The following ASIC2 variants were observed in gnomAD, a reference collection of about 807,000 sequenced individuals.
ASIC2 encodes the protein acid-sensing ion channel 2.
A neutral mutation model predicts 57.3 loss-of-function variants in ASIC2; 25 were observed. The observed-to-expected ratio is 0.44, with a 90% CI of 0.32 to 0.61. ASIC2 has a LOEUF of 0.61. Among genes scored for constraint, ASIC2 ranks in the 20% least tolerant of loss-of-function variants. ASIC2 has a pLI of 0.06. For missense variants in ASIC2, 641 were observed against 738.1 expected, an observed-to-expected ratio of 0.87 and a Z score of 1.52; for synonymous variants, 319 against 307.5, an observed-to-expected ratio of 1.04 and a Z score of -0.39.
intron 1 of ASIC2, among the ~76,000 whole-genome samples, chr17:33,753,629 G>A (rs1910502460): frequency 6.6e-6 from 1 of 152,206 alleles, no homozygotes; most frequent in African/African-American, 2.4e-5. Context: ...ACACAAAAAA[G>A]GGAAGTGACG....
intron 3 of ASIC2, among the ~76,000 whole-genome samples, chr17:33,037,519 T>C (rs1323994900): frequency 7.1e-6 from 1 of 141,226 alleles, no homozygotes; most frequent in Non-Finnish European, 1.6e-5. Flanking sequence ...GGAAAATTAC[T>C]GTGTGCACAG....
intron 1 of ASIC2, among the ~76,000 whole-genome samples, chr17:33,305,096 G>A (rs954908739): frequency 6.6e-6 from 1 of 152,108 alleles, no homozygotes; most frequent in African/African-American, 2.4e-5. Context: ...AATTAATTGA[G>A]GCTAGTAACG....
chr17:34,146,546 ACT>A (rs1912422738), intron 1 of ASIC2, among the ~76,000 whole-genome samples: 1 of 152,232 alleles, frequency 6.6e-6, no homozygotes, highest in South Asian at 2.1e-4. Flanking sequence ...CACGGGAAAC[ACT>A]GAGTGTAAAC....
chr17:33,361,733 G>C (rs1908615239), intron 1 of ASIC2, among the ~76,000 whole-genome samples: 1 of 152,150 alleles, frequency 6.6e-6, no homozygotes, highest in African/African-American at 2.4e-5. Flanking sequence ...TAGATGCCAG[G>C]ACTCCAGTTT....
chr17:34,036,293 G>C (rs932954709), intron 1 of ASIC2, among the ~76,000 whole-genome samples: 1 of 146,708 alleles, frequency 6.8e-6, no homozygotes, highest in South Asian at 2.1e-4. Context: ...AACATCGCAT[G>C]TTCTCACTCA....
intron 1 of ASIC2, among the ~76,000 whole-genome samples, chr17:34,152,428 C>T (rs1409556161): frequency 1.3e-5 from 2 of 152,158 alleles, no homozygotes; most frequent in Non-Finnish European, 2.9e-5. Flanking sequence ...ACTATCGAAT[C>T]CAACTGTGAC....
intron 1 of ASIC2, among the ~76,000 whole-genome samples, chr17:34,065,215 C>T (rs938896964): frequency 1.3e-5 from 2 of 152,134 alleles, no homozygotes; most frequent in African/African-American, 4.8e-5. Context: ...AATGAATTAA[C>T]AGCACTTGTA....
At position 33,536,205 on chromosome 17, in the gene ASIC2, A is replaced by T. The variant is rs561960713; in HGVS notation, c.556-424138T>A. Among the ~76,000 whole-genome samples, 25 of 152,254 alleles carry T rather than the reference A, an allele frequency of 1.6e-4. No homozygotes were observed. The South Asian group carries it at 5.2e-3, about 32-fold the overall frequency. ...ATTGACCACTCCCTTCAGTCTTCTCATCTCAGTAAATGGCACTAGCATATA... is the reference window on the plus strand; with the variant it reads ...ATTGACCACTCCCTTCAGTCTTCTCTTCTCAGTAAATGGCACTAGCATATA... On this transcript the variant is annotated intron_variant, in intron 1 of 9. Coordinates refer to the ASIC2 transcript ENST00000359872.
intron 1 of ASIC2, among the ~76,000 whole-genome samples, chr17:33,564,797 A>G (rs547157642): frequency 6.6e-6 from 1 of 150,606 alleles, no homozygotes; most frequent in South Asian, 2.1e-4. Context: ...GGGGCAAGGA[A>G]CACCTGGCCT....
At chr17:33,161,599 T>A (rs1051573119) in intron 1 of ASIC2, among the ~76,000 whole-genome samples, 1 of 152,204 alleles carries the variant, frequency 6.6e-6, no homozygotes, top group African/African-American at 2.4e-5. Flanking sequence ...CCCACCAATA[T>A]AATGTAAGCT....
intron 4 of ASIC2, among the ~76,000 whole-genome samples, chr17:33,026,526 A>G (rs570019901): frequency 1.3e-5 from 2 of 152,354 alleles, no homozygotes; most frequent in Non-Finnish European, 2.9e-5. Context: ...TCTTCTCAGC[A>G]CAACCACACT....
intron 1 of ASIC2, among the ~76,000 whole-genome samples, chr17:33,783,144 G>T (rs958286852): frequency 1.3e-5 from 2 of 152,140 alleles, no homozygotes; most frequent in African/African-American, 4.8e-5. Context: ...GGCACCCATG[G>T]CTAGCAGAAA....
intron 3 of ASIC2, among the ~76,000 whole-genome samples, chr17:33,047,969 T>C (rs753022501): frequency 2.6e-5 from 4 of 152,206 alleles, no homozygotes; most frequent in Admixed American, 1.3e-4. Flanking sequence ...AATTCATATA[T>C]TGAAGCCCTT....
intron 1 of ASIC2, among the ~76,000 whole-genome samples, chr17:33,901,324 G>A (rs1915226746): frequency 6.6e-6 from 1 of 152,126 alleles, no homozygotes; most frequent in Admixed American, 6.5e-5. Context: ...CTTATCATCA[G>A]TGGCCAGTTT....
At chr17:33,405,887 C>T (rs1910456837) in intron 1 of ASIC2, among the ~76,000 whole-genome samples, 4 of 152,142 alleles carry the variant, frequency 2.6e-5, no homozygotes, top group Admixed American at 2.0e-4. Context: ...TCCTCCACTC[C>T]AATCACCCAG....
In ASIC2 at chr17:34,099,189, A is replaced by G. The variant is rs1462461009; in HGVS notation, c.555+56789T>C. Among the ~76,000 whole-genome samples the G allele has an allele frequency of 1.6e-4, 19 of 117,108 alleles. 1 individual carries two copies. The highest frequency in any genetic ancestry group is 6.8e-4 in the African/African-American group (17 of 24,880). 76.8% of individuals were successfully genotyped at this position (117,108 alleles called of 152,430 possible). A position where few individuals can be genotyped will look rare whatever the true frequency, so the allele number is the denominator to read the frequency against. On this transcript the variant is annotated intron_variant, in intron 1 of 9. Transcript: ENST00000359872. ...GAAAGAAAGAAAGAAAGAAAGAAAG[A>G]AAGAAAGAAAGAAAGAAAGAAAGGA...
intron 1 of ASIC2, among the ~76,000 whole-genome samples, chr17:33,423,892 G>A (rs1027330208): frequency 2.0e-5 from 3 of 152,208 alleles, no homozygotes; most frequent in Non-Finnish European, 2.9e-5. Context: ...GATGCTTAGA[G>A]GACTTCCTCA....
intron 1 of ASIC2, among the ~76,000 whole-genome samples, chr17:34,113,169 A>C (rs1334326552): frequency 6.6e-6 from 1 of 152,226 alleles, no homozygotes; most frequent in African/African-American, 2.4e-5. Flanking sequence ...TGCAACCCCA[A>C]GGAGAGGAGC....
chr17:33,675,649 G>A (rs1397228597), intron 1 of ASIC2, among the ~76,000 whole-genome samples: 1 of 152,166 alleles, frequency 6.6e-6, no homozygotes, highest in African/African-American at 2.4e-5. Flanking sequence ...AAGGCTCACT[G>A]CAACCTCTGC....
Sources: gnomAD v4.1 joint callset for allele counts (sites outside exome capture counted in the v4.1 genomes callset) on GRCh38, gnomAD v4.1.1 for gene constraint, MANE v1.5 for transcripts, NCBI Gene and HGNC (gene_info 2026-07-23, HGNC 2026-07-21) for gene names.